The following COQ2 variants were observed in gnomAD, a reference collection of about 807,000 sequenced individuals.
COQ2 encodes coenzyme Q2, polyprenyltransferase.
In COQ2, 25 loss-of-function variants were observed where a neutral mutation model predicts 35.7. That is an observed-to-expected ratio of 0.70 (90% CI 0.51 to 0.98). The LOEUF (loss-of-function observed/expected upper bound fraction) is 0.98. Ranked by LOEUF, COQ2 falls within the 50% of genes least tolerant of loss-of-function variation. The pLI, the probability that COQ2 is intolerant of heterozygous loss-of-function variation, is 0.00. For synonymous variants in COQ2, 206 were observed against 186.2 expected (o/e 1.11, Z -0.86); for missense variants, 488 against 473.5 (o/e 1.03, Z -0.28).
rs1735379737 is a variant in COQ2, at chr4:83,283,596, T to G, written c.253+916A>C. 3.0e-6 allele frequency: 3 copies of G among 985,354 alleles called. No individual in the cohort carries two copies. The African/African-American group carries it at 5.2e-5, about 17-fold the overall frequency. The allele number at this position is 985,354 out of a possible 1,614,324, so 61.0% of individuals were successfully genotyped here. On this transcript the variant is annotated intron_variant, in intron 1 of 6. Coordinates refer to ENST00000647002, the MANE Select transcript of COQ2 (RefSeq NM_001358921.2). ...CTTTTTCCTGTAGCACTTGCTTTTG[T>G]ATCACTCATATTTGATCCATATTTT...
chr4:83,271,459 C>T (rs1227521082), intron 4 of COQ2, among the ~76,000 whole-genome samples: 1 of 152,122 alleles, frequency 6.6e-6, no homozygotes, highest in Non-Finnish European at 1.5e-5. Context: ...CCCCCAAATT[C>T]TTCAGGGCAT....
At chr4:83,279,860 CTTT>C (rs11420227) in intron 1 of COQ2, among the ~76,000 whole-genome samples, 38 of 130,154 alleles carry the variant, frequency 2.9e-4, no homozygotes, top group Admixed American at 1.3e-3. Flanking sequence ...ACGGTCTAGT[CTTT>C]TTTTTTTTTT....
At chr4:83,266,433 C>A (rs1285126717) in intron 6 of COQ2, among the ~76,000 whole-genome samples, 1 of 151,220 alleles carries the variant, frequency 6.6e-6, no homozygotes, top group African/African-American at 2.4e-5. Flanking sequence ...TCTTGGCTCA[C>A]TGGAACCTCT....
intron 2 of COQ2, among the ~76,000 whole-genome samples, chr4:83,277,760 G>A (rs369881621): frequency 4.6e-5 from 7 of 152,042 alleles, no homozygotes; most frequent in Admixed American, 2.0e-4. Flanking sequence ...ACCTGAAGTC[G>A]GGAGTTCGAG....
At position 83,263,856 on chromosome 4, in the gene COQ2, A is replaced by G. The variant is rs1349565633; in HGVS notation, c.*343T>C. The G allele has an allele frequency of 6.3e-6, 1 of 157,482 alleles. No individual in the cohort carries two copies. Among genetic ancestry groups the G allele is most frequent in the East Asian group, 1.9e-4 (1 of 5,378 alleles). The allele number at this position is 157,482 out of a possible 1,614,324, so 9.8% of individuals were successfully genotyped here. A position where few individuals can be genotyped will look rare whatever the true frequency, so the allele number is the denominator to read the frequency against. ...AGTTGCTTTTATTTTTCCCTAAAAAAAAGAGTCCATTTTCTTATACAGACA... is the reference window on the plus strand; with the variant it reads ...AGTTGCTTTTATTTTTCCCTAAAAAGAAGAGTCCATTTTCTTATACAGACA... On this transcript the variant is annotated 3_prime_UTR_variant, in exon 7 of 7. Coordinates refer to ENST00000647002, the MANE Select transcript of COQ2 (RefSeq NM_001358921.2).
At chr4:83,284,440 G>C in intron 1 of COQ2, 72 bp downstream of exon 1, 1 of 1,488,602 alleles carries the variant, frequency 6.7e-7, no homozygotes, top group Non-Finnish European at 8.9e-7. Flanking sequence ...CGGCCGCCGC[G>C]GACAGCTCCG....
At chr4:83,280,750 T>A (rs930702866) in intron 1 of COQ2, among the ~76,000 whole-genome samples, 1 of 152,008 alleles carries the variant, frequency 6.6e-6, no homozygotes, top group African/African-American at 2.4e-5. Flanking sequence ...AACAGAGAAG[T>A]CAAGGAGAAG....
chr4:83,267,273 A>T (rs1734940992), intron 6 of COQ2: 1 of 435,980 alleles, frequency 2.3e-6, no homozygotes, highest in Non-Finnish European at 4.4e-6. Flanking sequence ...GCTACCCAGG[A>T]TGCTGAGGTG....
chr4:83,283,227 T>C (rs1735369145), intron 1 of COQ2: 1 of 978,158 alleles, frequency 1.0e-6, no homozygotes, highest in Non-Finnish European at 1.2e-6. Context: ...TCGGGTCTTG[T>C]ACGGGCAAAA....
chr4:83,264,400 G>C, intron 6 of COQ2, 37 bp from the exon 7 acceptor site: 1 of 1,550,864 alleles, frequency 6.4e-7, no homozygotes, highest in Non-Finnish European at 8.7e-7. Flanking sequence ...TTAATACCTA[G>C]TCTGGACTTT....
At chr4:83,273,646 T>C in intron 2 of COQ2, 29 bp from the exon 3 acceptor site, 1 of 1,605,642 alleles carries the variant, frequency 6.2e-7, no homozygotes. Flanking sequence ...ATACCTTAGC[T>C]TCATGTAATG....
intron 4 of COQ2, 67 bp from the exon 5 acceptor site, chr4:83,270,060 T>G: frequency 1.3e-6 from 2 of 1,563,878 alleles, no homozygotes; most frequent in Non-Finnish European, 1.7e-6. Context: ...AGGGAAGGAG[T>G]GGCATCGGAG....
chr4:83,265,890 C>T (rs935028486), intron 6 of COQ2, among the ~76,000 whole-genome samples: 2 of 152,062 alleles, frequency 1.3e-5, no homozygotes, highest in Admixed American at 6.6e-5. Flanking sequence ...ATCTTGAACT[C>T]CTGACCTCAA....
chr4:83,272,038 T>C (rs1230811492), intron 4 of COQ2, 49 bp downstream of exon 4: 4 of 1,188,814 alleles, frequency 3.4e-6, no homozygotes, highest in South Asian at 1.4e-5. Context: ...TCCATAAAAG[T>C]GTAGTTTGCA....
chr4:83,266,368 T>A (rs1029277738), intron 6 of COQ2, among the ~76,000 whole-genome samples: 2 of 152,044 alleles, frequency 1.3e-5, no homozygotes, highest in Non-Finnish European at 2.9e-5. Context: ...TTTTTTTGTT[T>A]TTTTTTTGAG....
intron 6 of COQ2, among the ~76,000 whole-genome samples, chr4:83,265,205 T>TA (rs1734883617): frequency 6.6e-6 from 1 of 152,190 alleles, no homozygotes; most frequent in Non-Finnish European, 1.5e-5. Context: ...TCTGCAGACT[T>TA]ACAATTATCA....
intron 3 of COQ2, among the ~76,000 whole-genome samples, chr4:83,273,102 C>T (rs1735087720): frequency 6.6e-6 from 1 of 152,198 alleles, no homozygotes. Context: ...GACATAGTTC[C>T]TCTTTTTGCA....
intron 6 of COQ2, 55 bp downstream of exon 6, chr4:83,267,531 A>AT: frequency 2.0e-6 from 3 of 1,463,758 alleles, no homozygotes; most frequent in South Asian, 2.7e-5. Context: ...TGTTTAAATA[A>AT]TTTTTATAAT....
upstream of COQ2, chr4:83,284,845 C>T (rs762446278): frequency 5.2e-6 from 8 of 1,552,298 alleles, no homozygotes; most frequent in East Asian, 1.9e-4. Context: ...GGATGCAATC[C>T]TAGTCTGCCA....
Sources: gnomAD v4.1 joint callset for allele counts (sites outside exome capture counted in the v4.1 genomes callset) on GRCh38, gnomAD v4.1.1 for gene constraint, MANE v1.5 for transcripts, NCBI Gene and HGNC (gene_info 2026-07-23, HGNC 2026-07-21) for gene names.